The following LCN10 variants were observed in gnomAD, a reference collection of about 807,000 sequenced individuals.
LCN10 encodes epididymal-specific lipocalin-10.
A neutral mutation model predicts 25.1 loss-of-function variants in LCN10; 18 were observed. That is an observed-to-expected ratio of 0.72 (90% CI 0.50 to 1.06). The LOEUF is 1.06. Among genes scored for constraint, LCN10 ranks in the 50% least tolerant of loss-of-function variants. LCN10 has a pLI of 0.00. For missense variants in LCN10, 257 were observed against 258.9 expected (o/e 0.99, Z 0.05); for synonymous variants, 130 against 116.7 (o/e 1.11, Z -0.73).
chr9:136,741,468 G>C, intron 2 of LCN10, 107 bp from the exon 3 acceptor site: 1 of 929,166 alleles, frequency 1.1e-6, no homozygotes, highest in Admixed American at 2.3e-5. Context: ...GCTCCCGTGG[G>C]ACCCGGGAAG....
intron 1 of LCN10, 152 bp downstream of exon 1, chr9:136,742,635 T>C (rs10870117): frequency 0.18 from 169,809 of 969,778 alleles, 16,905 homozygotes; most frequent in African/African-American, 0.37. Flanking sequence ...GCCCCTGTGC[T>C]GGAGGCTGCA....
Position 136,742,769 on chromosome 9 carries a change from C to T in LCN10, c.117+18G>A. The stretch of plus-strand genomic sequence containing the variant: ...CAGAGCCGGCGCCCGGCTCAGGGAC[C>T]AGTGGCACATGGCTCACCTTGTTCC... On this transcript the variant is annotated intron_variant, in intron 1 of 5. Coordinates refer to ENST00000497771, the MANE Select transcript of LCN10 (RefSeq NM_001001712.3). 1 of 1,612,836 alleles carries T rather than the reference C, an allele frequency of 6.2e-7. No homozygotes were observed. The highest frequency in any genetic ancestry group is 8.5e-7 in the Non-Finnish European group (1 of 1,179,556).
rs903451672 is a variant in LCN10 at position 136,738,533 on chromosome 9, G to A, written c.*992C>T. On this transcript the variant is annotated 3_prime_UTR_variant, in exon 6 of 6. Transcript: ENST00000497771. The stretch of plus-strand genomic sequence containing the variant: ...GGTTTCTTTGGGATCCCCTTGGCCA[G>A]AAGAAGGTCCATTCATTCAGTTGGG... The A allele has an allele frequency of 6.6e-6, 1 of 152,152 alleles. No individual in the cohort carries two copies. Among genetic ancestry groups the A allele is most frequent in the African/African-American group, 2.4e-5 (1 of 41,422 alleles). The allele number at this position is 152,152 out of a possible 1,614,324, so 9.4% of individuals were successfully genotyped here.
At position 136,738,290 on chromosome 9, in the gene LCN10, G is replaced by C. The variant is rs1490303168; in HGVS notation, c.*1235C>G. 6.6e-6 allele frequency: 1 copy of C among 152,204 alleles called. No individual in the cohort carries two copies. The highest frequency in any genetic ancestry group is 1.5e-5 in the Non-Finnish European group (1 of 68,070). 9.4% of individuals were successfully genotyped at this position (152,204 alleles called of 1,614,324 possible). A position where few individuals can be genotyped will look rare whatever the true frequency, so the allele number is the denominator to read the frequency against. Reference sequence around the variant, plus strand: ...GCCTGGAACAGACACTTGGAGGGGAGGGACAGAGGGGACAGGAATTTACGC... The same window carrying C: ...GCCTGGAACAGACACTTGGAGGGGACGGACAGAGGGGACAGGAATTTACGC... On this transcript the variant is annotated 3_prime_UTR_variant, in exon 6 of 6. Transcript: ENST00000497771.
chr9:136,740,197 G>A lies in LCN10; in HGVS notation c.476-149C>T, dbSNP rs748016349. ...GGTTGGCCAGGGGAGGACAGCGGCC[G>A]CTGGGCCCCTCCCCACTTACGAGGC... On this transcript the variant is annotated intron_variant, in intron 4 of 5. Transcript: ENST00000497771. The surrounding 1 kb of genome is among the most constrained non-coding windows in gnomAD (Gnocchi z 5.3). 5.3e-5 allele frequency: 35 copies of A among 658,618 alleles called. No individual in the cohort carries two copies. The highest frequency in any genetic ancestry group is 2.4e-4 in the Admixed American group (11 of 45,418). The allele number at this position is 658,618 out of a possible 1,614,324, so 40.8% of individuals were successfully genotyped here. A position where few individuals can be genotyped will look rare whatever the true frequency, so the allele number is the denominator to read the frequency against.
intron 2 of LCN10, 169 bp downstream of exon 2, chr9:136,741,712 G>T: frequency 1.1e-6 from 1 of 942,346 alleles, no homozygotes; most frequent in Non-Finnish European, 1.5e-6. Context: ...CCCATGTGGG[G>T]TCCCAGGGGC....
chr9:136,740,172 G>A lies in LCN10; in HGVS notation c.476-124C>T. 1.3e-6 allele frequency: 1 copy of A among 745,152 alleles called. No homozygotes were observed. Among genetic ancestry groups the A allele is most frequent in the Non-Finnish European group, 2.4e-6 (1 of 423,502 alleles). The allele number at this position is 745,152 out of a possible 1,614,324, so 46.2% of individuals were successfully genotyped here. On this transcript the variant is annotated intron_variant, in intron 4 of 5. Coordinates refer to ENST00000497771, the MANE Select transcript of LCN10 (RefSeq NM_001001712.3). The surrounding 1 kb of genome is among the most constrained non-coding windows in gnomAD (Gnocchi z 5.3). ...CCTCAGAGCTTAGGCGTGAAGCAGG[G>A]GTTGGCCAGGGGAGGACAGCGGCCG...
chr9:136,740,738 C>T lies in LCN10; in HGVS notation c.475+98G>A. ...CCGCCCCAACCCCCACTCTCCCTGC[C>T]CGCCTCACCTCCTGCCCGGCCCCCT... is the stretch of plus-strand genomic sequence containing the variant. On this transcript the variant is annotated intron_variant, in intron 4 of 5. Transcript: ENST00000497771. This position sits in a 1 kb window ranked among gnomAD's most constrained non-coding sequence, Gnocchi z 5.3. 11 of 856,066 alleles carry T rather than the reference C, an allele frequency of 1.3e-5. No homozygotes were observed. In the South Asian group the frequency reaches 1.7e-4, roughly 13 times the overall value. 53.0% of individuals were successfully genotyped at this position (856,066 alleles called of 1,614,324 possible).
chr9:136,739,833 C>A lies in LCN10; in HGVS notation c.574+117G>T. 1.0e-6 allele frequency: 1 copy of A among 967,894 alleles called. No homozygotes were observed. The highest frequency in any genetic ancestry group is 1.6e-6 in the Non-Finnish European group (1 of 617,056). The allele number at this position is 967,894 out of a possible 1,614,324, so 60.0% of individuals were successfully genotyped here. A position where few individuals can be genotyped will look rare whatever the true frequency, so the allele number is the denominator to read the frequency against. On this transcript the variant is annotated intron_variant, in intron 5 of 5. Transcript: ENST00000497771. The surrounding 1 kb of genome is among the most constrained non-coding windows in gnomAD (Gnocchi z 6.1). Reference sequence around the variant, plus strand: ...AGGTGGGAGGCACGTTTGGGCGGATCTTTCAAATGGCACCTTTCAAATGGA... The same window carrying A: ...AGGTGGGAGGCACGTTTGGGCGGATATTTCAAATGGCACCTTTCAAATGGA...
Position 136,740,766 on chromosome 9 carries a change from G to T in LCN10, c.475+70C>A. 2 of 1,208,494 alleles carry T rather than the reference G, an allele frequency of 1.7e-6. No individual in the cohort carries two copies. The highest frequency in any genetic ancestry group is 2.3e-6 in the Non-Finnish European group (2 of 866,970). 74.9% of individuals were successfully genotyped at this position (1,208,494 alleles called of 1,614,324 possible). On this transcript the variant is annotated intron_variant, in intron 4 of 5. Coordinates refer to ENST00000497771, the MANE Select transcript of LCN10 (RefSeq NM_001001712.3). This position sits in a 1 kb window ranked among gnomAD's most constrained non-coding sequence, Gnocchi z 5.3. ...CCTCACCTCCTGCCCGGCCCCCTGT[G>T]CCCAGCGCCCCTCTATGCCTCCCTC...
At position 136,739,676 on chromosome 9, in the gene LCN10, A is replaced by T; in HGVS notation, c.575-123T>A. On this transcript the variant is annotated intron_variant, in intron 5 of 5. Coordinates refer to ENST00000497771, the MANE Select transcript of LCN10 (RefSeq NM_001001712.3). This position sits in a 1 kb window ranked among gnomAD's most constrained non-coding sequence, Gnocchi z 6.1. ...TGCTCGTCTTGGGCACCACGAGAAC[A>T]CAGCCATGCAGCCCCCGATCCTGCA... 1.1e-6 allele frequency: 1 copy of T among 933,556 alleles called. No individual in the cohort carries two copies. The highest frequency in any genetic ancestry group is 1.4e-5 in the South Asian group (1 of 69,856). 57.8% of individuals were successfully genotyped at this position (933,556 alleles called of 1,614,324 possible).
rs1224843787 is a variant in LCN10 at position 136,740,902 on chromosome 9, TGTAGTCA to T, written c.402_408del (p.Asp135AlafsTer33). ...AGGCGGAGGTAGACCAAGCCGTAGC[TGTAGTCA>T]GTGGACAGCACGTGGAAGGCCTTCA... On this transcript the variant is annotated frameshift_variant, in exon 4 of 6. Coordinates refer to ENST00000497771, the MANE Select transcript of LCN10 (RefSeq NM_001001712.3). LOFTEE classifies it high-confidence loss of function. The surrounding 1 kb of genome is among the most constrained non-coding windows in gnomAD (Gnocchi z 5.3). The T allele has an allele frequency of 3.1e-6, 5 of 1,613,736 alleles. No homozygotes were observed. Among genetic ancestry groups the T allele is most frequent in the Non-Finnish European group, 4.2e-6 (5 of 1,179,862 alleles).
At chr9:136,741,637 G>A in intron 2 of LCN10, 1 of 622,502 alleles carries the variant, frequency 1.6e-6, no homozygotes, top group South Asian at 2.0e-5. Context: ...GCTGCAAGCG[G>A]CTTCCTCCCA....
rs574801938 is a variant in LCN10, at chr9:136,739,063, C to T, written c.*462G>A. 5.8e-5 allele frequency: 12 copies of T among 206,320 alleles called. No individual in the cohort carries two copies. The highest frequency in any genetic ancestry group is 1.3e-4 in the East Asian group (1 of 7,724). The allele number at this position is 206,320 out of a possible 1,614,324, so 12.8% of individuals were successfully genotyped here. Reference sequence around the variant, plus strand: ...TGCGTTTGCCGATTCTGTTCCCTAACGCAGCCGCAGGGGCCAGCACGCTGC... The same window carrying T: ...TGCGTTTGCCGATTCTGTTCCCTAATGCAGCCGCAGGGGCCAGCACGCTGC... On this transcript the variant is annotated 3_prime_UTR_variant, in exon 6 of 6. Coordinates refer to ENST00000497771, the MANE Select transcript of LCN10 (RefSeq NM_001001712.3). This position sits in a 1 kb window ranked among gnomAD's most constrained non-coding sequence, Gnocchi z 6.1.
rs1167983906 is a variant in LCN10, at chr9:136,741,378, G to A, written c.258-17C>T. On this transcript the variant is annotated splice_polypyrimidine_tract_variant and intron_variant, in intron 2 of 5. Coordinates refer to ENST00000497771, the MANE Select transcript of LCN10 (RefSeq NM_001001712.3). ...CCCTTCAACCTGGGGCCAAGGCGGG[G>A]GCTCAGGCTGCAGACCAGGGAACCC... 2 of 1,586,218 alleles carry A rather than the reference G, an allele frequency of 1.3e-6. No individual in the cohort carries two copies. Among genetic ancestry groups the A allele is most frequent in the Admixed American group, 1.7e-5 (1 of 59,800 alleles).
chr9:136,740,390 C>T lies in LCN10; in HGVS notation c.476-342G>A. On this transcript the variant is annotated intron_variant, in intron 4 of 5. Coordinates refer to ENST00000497771, the MANE Select transcript of LCN10 (RefSeq NM_001001712.3). The surrounding 1 kb of genome is among the most constrained non-coding windows in gnomAD (Gnocchi z 5.3). ...CCCACCTCCCCTCTACCCGTTCCAA[C>T]CGGGAGGGCCACTCCTTTCCGTGTA... 1 of 442,984 alleles carries T rather than the reference C, an allele frequency of 2.3e-6. No homozygotes were observed. Among genetic ancestry groups the T allele is most frequent in the Non-Finnish European group, 4.2e-6 (1 of 238,210 alleles). The allele number at this position is 442,984 out of a possible 1,614,324, so 27.4% of individuals were successfully genotyped here.
Position 136,740,980 on chromosome 9 carries a change from G to A in LCN10, c.368-37C>T. 1 of 1,561,614 alleles carries A rather than the reference G, an allele frequency of 6.4e-7. No homozygotes were observed. On this transcript the variant is annotated intron_variant, in intron 3 of 5. Transcript: ENST00000497771. This position sits in a 1 kb window ranked among gnomAD's most constrained non-coding sequence, Gnocchi z 5.3. ...GCCCAGAGATGCCCGCTGGTTCCCG[G>A]ATGGCGTGGCTGTGCCCGCCCACAG...
At chr9:136,741,833 C>G in intron 2 of LCN10, 48 bp downstream of exon 2, 1 of 1,557,080 alleles carries the variant, frequency 6.4e-7, no homozygotes, top group South Asian at 1.2e-5. Flanking sequence ...AGGCAGCTCC[C>G]TCCTCCTGGA....
intron 1 of LCN10, 37 bp from the exon 2 acceptor site, chr9:136,742,057 C>T (rs754908331): frequency 6.2e-7 from 1 of 1,609,484 alleles, no homozygotes; most frequent in South Asian, 1.1e-5. Context: ...CAGGAGCTGC[C>T]ACCGGGGGCT....
Sources: gnomAD v4.1 joint callset for allele counts on GRCh38, gnomAD v4.1.1 for gene constraint, Gnocchi (gnomAD v3.1) non-coding constraint, MANE v1.5 for transcripts, NCBI Gene and HGNC (gene_info 2026-07-23, HGNC 2026-07-21) for gene names.